EPS8: variants seen among roughly 807,000 people sequenced by gnomAD.
EPS8 encodes the protein epidermal growth factor receptor kinase substrate 8.
In EPS8, 42 loss-of-function variants were observed where a neutral mutation model predicts 103.8. That is an observed-to-expected ratio of 0.40 (90% CI 0.32 to 0.52). The LOEUF (loss-of-function observed/expected upper bound fraction) is 0.52. Ranked by LOEUF, EPS8 falls within the 20% of genes least tolerant of loss-of-function variation. The probability of loss-of-function intolerance (pLI) is 0.40; values close to 1 mark genes in which losing one functional copy is unlikely to be tolerated. For missense variants in EPS8, 969 were observed against 1,005.1 expected, an observed-to-expected ratio of 0.96 and a Z score of 0.49; for synonymous variants, 344 against 344.6, an observed-to-expected ratio of 1.00 and a Z score of 0.02.
At chr12:15,682,430 T>C (rs967609268) in intron 2 of EPS8, among the ~76,000 whole-genome samples, 2 of 152,236 alleles carry the variant, frequency 1.3e-5, no homozygotes, top group Admixed American at 6.5e-5. Context: ...AAGTTATACC[T>C]GGACCCACTG....
intron 1 of EPS8, among the ~76,000 whole-genome samples, chr12:15,729,782 A>T (rs1271368199): frequency 6.6e-6 from 1 of 152,162 alleles, no homozygotes; most frequent in Non-Finnish European, 1.5e-5. Flanking sequence ...TGTTCACAGA[A>T]TGCGTGTATG....
At chr12:15,740,122 GA>G (rs1033778211) in intron 1 of EPS8, among the ~76,000 whole-genome samples, 7 of 150,460 alleles carry the variant, frequency 4.7e-5, no homozygotes, top group Non-Finnish European at 5.9e-5. Context: ...CAAAACACTA[GA>G]AAAAAAAATC....
At chr12:15,668,873 A>G (rs1348735738) in intron 6 of EPS8, among the ~76,000 whole-genome samples, 1 of 152,170 alleles carries the variant, frequency 6.6e-6, no homozygotes, top group East Asian at 1.9e-4. Flanking sequence ...TATTATCTAC[A>G]CTTTAAAAAA....
intron 19 of EPS8, 148 bp from the exon 20 acceptor site, chr12:15,623,435 G>A: frequency 1.6e-6 from 1 of 636,860 alleles, no homozygotes; most frequent in Non-Finnish European, 2.6e-6. Flanking sequence ...AGTCTTTATA[G>A]TTAGGGCAAT....
intron 14 of EPS8, among the ~76,000 whole-genome samples, 183 bp from the exon 15 acceptor site, chr12:15,647,443 G>T (rs1432716164): frequency 6.6e-6 from 1 of 152,154 alleles, no homozygotes; most frequent in Non-Finnish European, 1.5e-5. Context: ...CTTATAATAA[G>T]AAAAGTCATT....
intron 1 of EPS8, among the ~76,000 whole-genome samples, chr12:15,737,507 C>A (rs917123839): frequency 6.6e-6 from 1 of 152,158 alleles, no homozygotes; most frequent in Non-Finnish European, 1.5e-5. Flanking sequence ...CCAGGCTCTG[C>A]TCTAAGTGCC....
rs1450818939 is a variant in EPS8 at position 15,734,741 on chromosome 12, C to A, written c.-21-51769G>T. Among the ~76,000 whole-genome samples, 3 of 151,890 alleles carry A rather than the reference C, an allele frequency of 2.0e-5. No homozygotes were observed. Among genetic ancestry groups the A allele is most frequent in the Non-Finnish European group, 4.4e-5 (3 of 67,928 alleles). On this transcript the variant is annotated intron_variant, in intron 1 of 20. Coordinates refer to ENST00000281172, the MANE Select transcript of EPS8 (RefSeq NM_004447.6). This position sits in a 1 kb window ranked among gnomAD's most constrained non-coding sequence, Gnocchi z 4.1. Reference sequence around the variant, plus strand: ...CAAAAAACAAACAAACAAAAAAAAACAAAAAAGATTCTCTGCACGTAACTT... The same window carrying A: ...CAAAAAACAAACAAACAAAAAAAAAAAAAAAAGATTCTCTGCACGTAACTT...
chr12:15,716,266 C>T lies in EPS8; in HGVS notation c.-21-33294G>A, dbSNP rs1219376844. Among the ~76,000 whole-genome samples, 14 of 151,908 alleles carry T rather than the reference C, an allele frequency of 9.2e-5. No individual in the cohort carries two copies. Among genetic ancestry groups the T allele is most frequent in the Admixed American group, 9.2e-4 (14 of 15,274 alleles). On this transcript the variant is annotated intron_variant, in intron 1 of 20. Transcript: ENST00000281172. This position sits in a 1 kb window ranked among gnomAD's most constrained non-coding sequence, Gnocchi z 5.0. ...TTTCCTAATAGTAAGTTAACAGGTA[C>T]AGTTAATACCCTGCTGTTAAACAAA...
At chr12:15,689,646 T>C (rs1395704753) in intron 1 of EPS8, among the ~76,000 whole-genome samples, 1 of 152,210 alleles carries the variant, frequency 6.6e-6, no homozygotes, top group Non-Finnish European at 1.5e-5. Flanking sequence ...GGTAAGAACA[T>C]TTAAAACCCT....
At chr12:15,742,922 C>A (rs566051475) in intron 1 of EPS8, among the ~76,000 whole-genome samples, 2 of 152,216 alleles carry the variant, frequency 1.3e-5, no homozygotes, top group Admixed American at 1.3e-4. Flanking sequence ...GGCAATGAGG[C>A]ACGAGAAAGA....
rs1267701109 is a variant in EPS8, at chr12:15,759,493, T to C, written c.-22+29668A>G. On this transcript the variant is annotated intron_variant, in intron 1 of 20. Transcript: ENST00000281172. The surrounding 1 kb of genome is among the most constrained non-coding windows in gnomAD (Gnocchi z 4.9). ...CTAAAAAGTCTTCAGTCTCTTAAAC[T>C]TCAGTAGGAAAAACAGAATTCCAAT... 1.3e-5 allele frequency among the ~76,000 whole-genome samples: 2 copies of C among 152,104 alleles called. No individual in the cohort carries two copies. Among genetic ancestry groups the C allele is most frequent in the East Asian group, 1.9e-4 (1 of 5,200 alleles).
rs1240291045 is a variant in EPS8 at position 15,697,611 on chromosome 12, C to T, written c.-21-14639G>A. 6.6e-6 allele frequency among the ~76,000 whole-genome samples: 1 copy of T among 152,064 alleles called. No homozygotes were observed. Among genetic ancestry groups the T allele is most frequent in the Non-Finnish European group, 1.5e-5 (1 of 68,018 alleles). ...TGTGGGATAAAATTCAACCACTTTG[C>T]CACATAGAGGAAAATAATGGCTAGA... is the stretch of plus-strand genomic sequence containing the variant. On this transcript the variant is annotated intron_variant, in intron 1 of 20. Transcript: ENST00000281172. The surrounding 1 kb of genome is among the most constrained non-coding windows in gnomAD (Gnocchi z 5.6).
rs1946783982 is a variant in EPS8 at position 15,738,024 on chromosome 12, A to ATTT, written c.-22+51136_-22+51137insAAA. On this transcript the variant is annotated intron_variant, in intron 1 of 20. Transcript: ENST00000281172. The surrounding 1 kb of genome is among the most constrained non-coding windows in gnomAD (Gnocchi z 6.2). ...TTAAAATTAGCTAAACAAATAGTAA[A>ATTT]TGAGGGGAATTCGCTCTTCACAGAA... Among the ~76,000 whole-genome samples the ATTT allele has an allele frequency of 6.6e-6, 1 of 151,986 alleles. No individual in the cohort carries two copies. The highest frequency in any genetic ancestry group is 2.4e-5 in the African/African-American group (1 of 41,308).
Position 15,762,069 on chromosome 12 carries a change from G to C in EPS8, c.-22+27092C>G, listed in dbSNP as rs1320273653. The stretch of plus-strand genomic sequence containing the variant: ...GATTAATAATCAGAATATATATAGA[G>C]CTCAAACAACTCTACAAGAAAACAT... On this transcript the variant is annotated intron_variant, in intron 1 of 20. Coordinates refer to ENST00000281172, the MANE Select transcript of EPS8 (RefSeq NM_004447.6). This position sits in a 1 kb window ranked among gnomAD's most constrained non-coding sequence, Gnocchi z 4.8. Among the ~76,000 whole-genome samples the C allele has an allele frequency of 6.6e-6, 1 of 151,958 alleles. No individual in the cohort carries two copies. The highest frequency in any genetic ancestry group is 2.4e-5 in the African/African-American group (1 of 41,368).
intron 17 of EPS8, 28 bp downstream of exon 17, chr12:15,640,672 ATAC>A (rs1945212850): frequency 6.3e-7 from 1 of 1,597,348 alleles, no homozygotes; most frequent in Non-Finnish European, 8.6e-7. Context: ...AAATGTGTAC[ATAC>A]TACATTTTAC....
intron 3 of EPS8, among the ~76,000 whole-genome samples, chr12:15,678,119 TA>T (rs1273659721): frequency 6.6e-6 from 1 of 152,154 alleles, no homozygotes; most frequent in Non-Finnish European, 1.5e-5. Flanking sequence ...ACAGATGCTA[TA>T]CATAAGTTAA....
Position 15,624,003 on chromosome 12 carries a change from A to G in EPS8, c.2225+224T>C, listed in dbSNP as rs144144442. ...TTTGCTTAAAGAACTAATAATGAAC[A>G]GATACTACCAATTCGAAAATGGGGT... On this transcript the variant is annotated intron_variant, in intron 19 of 20. Coordinates refer to ENST00000281172, the MANE Select transcript of EPS8 (RefSeq NM_004447.6). 0.014 allele frequency among the ~76,000 whole-genome samples: 2,164 copies of G among 152,292 alleles called. 26 individuals are homozygous for G. Among genetic ancestry groups the G allele is most frequent in the Non-Finnish European group, 0.02 (1,394 of 68,012 alleles).
chr12:15,708,207 T>G (rs887382273), intron 1 of EPS8, among the ~76,000 whole-genome samples: 1 of 152,250 alleles, frequency 6.6e-6, no homozygotes, highest in Non-Finnish European at 1.5e-5. Context: ...CTCTGCCATT[T>G]ATGAGTTATT....
chr12:15,755,687 A>T (rs1946979487), intron 1 of EPS8, among the ~76,000 whole-genome samples: 1 of 152,146 alleles, frequency 6.6e-6, no homozygotes, highest in Admixed American at 6.6e-5. Flanking sequence ...CTTTATCCTA[A>T]GTACCCAAAC....
Sources: gnomAD v4.1 joint callset for allele counts (sites outside exome capture counted in the v4.1 genomes callset) on GRCh38, gnomAD v4.1.1 for gene constraint, Gnocchi (gnomAD v3.1) non-coding constraint, MANE v1.5 for transcripts, NCBI Gene and HGNC (gene_info 2026-07-23, HGNC 2026-07-21) for gene names.